Variants in TRIP4 observed in about 807,000 individuals in gnomAD.
TRIP4 encodes the protein activating signal cointegrator 1.
In TRIP4, 54 loss-of-function variants were observed where a neutral mutation model predicts 81.8. The observed-to-expected ratio is 0.66, with a 90% confidence interval of 0.53 to 0.83. The LOEUF is 0.83. Among genes scored for constraint, TRIP4 ranks in the 40% least tolerant of loss-of-function variants. The pLI is 0.00. For synonymous variants in TRIP4, 270 were observed against 242.8 expected (o/e 1.11, Z -1.04); for missense variants, 662 against 683.6 (o/e 0.97, Z 0.35).
At chr15:64,439,786 A>G (rs1892476899) in intron 11 of TRIP4, among the ~76,000 whole-genome samples, 1 of 151,792 alleles carries the variant, frequency 6.6e-6, no homozygotes, top group African/African-American at 2.4e-5. Flanking sequence ...GGCCTCCCAA[A>G]GTGCTAGGAT....
At chr15:64,410,889 A>G (rs571620905) in intron 7 of TRIP4, among the ~76,000 whole-genome samples, 1 of 152,368 alleles carries the variant, frequency 6.6e-6, no homozygotes, top group Non-Finnish European at 1.5e-5. Context: ...AAAACTAAAA[A>G]CAATTTACAA....
At chr15:64,422,337 G>A (rs1251933894) in intron 9 of TRIP4, among the ~76,000 whole-genome samples, 2 of 152,140 alleles carry the variant, frequency 1.3e-5, no homozygotes, top group East Asian at 1.9e-4. Context: ...GGCTTCAGAC[G>A]TTTCTCTACT....
intron 11 of TRIP4, among the ~76,000 whole-genome samples, chr15:64,438,891 T>G (rs1201845677): frequency 1.3e-5 from 2 of 152,230 alleles, no homozygotes; most frequent in African/African-American, 4.8e-5. Flanking sequence ...CAAATGGCTA[T>G]AAGATCTGTA....
chr15:64,411,512 C>G (rs561427390), intron 7 of TRIP4, among the ~76,000 whole-genome samples: 1 of 152,102 alleles, frequency 6.6e-6, no homozygotes, highest in South Asian at 2.1e-4. Flanking sequence ...TGGCTCACAC[C>G]TGTAATTTCA....
intron 11 of TRIP4, among the ~76,000 whole-genome samples, chr15:64,436,763 CTTTTTTTTTTTT>C (rs71133433): frequency 7.9e-4 from 17 of 21,420 alleles, no homozygotes; most frequent in Admixed American, 1.1e-3. Flanking sequence ...CCATCTATGC[CTTTTTTTTTTTT>C]TTTTTTTTTT....
intron 4 of TRIP4, among the ~76,000 whole-genome samples, chr15:64,398,711 A>G (rs1353755729): frequency 6.6e-6 from 1 of 152,096 alleles, no homozygotes; most frequent in Non-Finnish European, 1.5e-5. Flanking sequence ...TATAGCTTCT[A>G]TTTCCAGGAT....
intron 10 of TRIP4, among the ~76,000 whole-genome samples, chr15:64,425,328 A>G (rs1892117362): frequency 6.6e-6 from 1 of 152,206 alleles, no homozygotes; most frequent in African/African-American, 2.4e-5. Flanking sequence ...TTTCTAGCTT[A>G]ACATGTGGAT....
intron 11 of TRIP4, among the ~76,000 whole-genome samples, chr15:64,434,079 C>A (rs1892337407): frequency 6.6e-6 from 1 of 151,986 alleles, no homozygotes; most frequent in African/African-American, 2.4e-5. Flanking sequence ...TGAAACTAAT[C>A]TGCTTCTGGG....
chr15:64,414,269 T>A (rs1453614989), intron 8 of TRIP4, 58 bp downstream of exon 8: 12 of 1,603,358 alleles, frequency 7.5e-6, no homozygotes, highest in Non-Finnish European at 1.0e-5. Flanking sequence ...TTTGCCTTCT[T>A]TTAAGTATGT....
At chr15:64,407,521 G>C (rs1348008750) in intron 6 of TRIP4, among the ~76,000 whole-genome samples, 1 of 151,970 alleles carries the variant, frequency 6.6e-6, no homozygotes, top group African/African-American at 2.4e-5. Context: ...AAAAAAATTA[G>C]CCAAGCGTGG....
chr15:64,445,329 T>TA, intron 12 of TRIP4: 1 of 305,322 alleles, frequency 3.3e-6, no homozygotes, highest in Non-Finnish European at 6.0e-6. Context: ...TAGATTTTTA[T>TA]AAAATCTTCC....
intron 12 of TRIP4, among the ~76,000 whole-genome samples, chr15:64,452,368 G>A (rs1180095012): frequency 1.3e-5 from 2 of 152,104 alleles, no homozygotes; most frequent in Non-Finnish European, 2.9e-5. Context: ...GGAGCATTTG[G>A]GATTTTGGAT....
chr15:64,405,498 A>G (rs1210508433), intron 5 of TRIP4, among the ~76,000 whole-genome samples: 1 of 152,180 alleles, frequency 6.6e-6, no homozygotes, highest in Non-Finnish European at 1.5e-5. Flanking sequence ...ATTTATAGTC[A>G]TCTCTGAACT....
intron 12 of TRIP4, chr15:64,451,056 CT>C: frequency 5.5e-6 from 1 of 183,140 alleles, no homozygotes. Flanking sequence ...ACTCCCAAGC[CT>C]CAGCGTAAAT....
At chr15:64,446,032 G>A (rs1892624873) in intron 12 of TRIP4, among the ~76,000 whole-genome samples, 1 of 152,138 alleles carries the variant, frequency 6.6e-6, no homozygotes, top group South Asian at 2.1e-4. Flanking sequence ...CAGCACTTTG[G>A]GAGGCTGAGA....
Position 64,390,161 on chromosome 15 carries a change from A to T in TRIP4, c.101+2197A>T, listed in dbSNP as rs546825569. The stretch of plus-strand genomic sequence containing the variant: ...TGTGTATTATATTAAATACAGTATT[A>T]AAAAAAAAAGATTGAGGTGGCCAGG... On this transcript the variant is annotated intron_variant, in intron 1 of 12. Transcript: ENST00000261884. Among the ~76,000 whole-genome samples, 4 of 141,724 alleles carry T rather than the reference A, an allele frequency of 2.8e-5. No homozygotes were observed. The South Asian group carries it at 6.4e-4, about 23-fold the overall frequency. 93.0% of individuals were successfully genotyped at this position (141,724 alleles called of 152,430 possible).
chr15:64,445,477 A>G (rs1892609746), intron 12 of TRIP4, among the ~76,000 whole-genome samples: 1 of 143,236 alleles, frequency 7.0e-6, no homozygotes, highest in African/African-American at 2.6e-5. Context: ...AGATTACCAA[A>G]AAAAAAAAAA....
At chr15:64,398,180 C>T (rs937908369) in intron 4 of TRIP4, among the ~76,000 whole-genome samples, 7 of 152,084 alleles carry the variant, frequency 4.6e-5, no homozygotes, top group Non-Finnish European at 8.8e-5. Flanking sequence ...GGATTACAGG[C>T]GTCAGCCACC....
chr15:64,424,037 G>A lies in TRIP4; in HGVS notation c.1365G>A (p.Glu455=), dbSNP rs1317233809. Residue 455 remains glutamate (E), a synonymous_variant, in exon 10 of 13, where the codon GAG becomes GAA. Transcript: ENST00000261884. ...SLLVRGIKRV[E]GRSWYTPHRG... ...AAATTTCTATTTGTTTAAGGGTGGAGGGCAGATCCTGGTACACCCCCCACA... is the reference window on the plus strand; with the variant it reads ...AAATTTCTATTTGTTTAAGGGTGGAAGGCAGATCCTGGTACACCCCCCACA... 6.2e-7 allele frequency: 1 copy of A among 1,614,060 alleles called. No individual in the cohort carries two copies. Among genetic ancestry groups the A allele is most frequent in the Non-Finnish European group, 8.5e-7 (1 of 1,180,008 alleles).
Sources: allele counts gnomAD v4.1 joint callset (sites outside exome capture counted in the v4.1 genomes callset), GRCh38; gene constraint gnomAD v4.1.1; transcripts MANE v1.5; gene names NCBI Gene and HGNC (gene_info 2026-07-23, HGNC 2026-07-21).